ARHGAP15: variants seen among roughly 807,000 people sequenced by gnomAD.
The protein encoded by ARHGAP15 is Rho GTPase activating protein 15, also known as rho GTPase-activating protein 15.
ARHGAP15 carries 51 observed loss-of-function variants against 63.7 expected under a neutral mutation model. The observed-to-expected ratio is 0.80, with a 90% CI of 0.64 to 1.01. The LOEUF (loss-of-function observed/expected upper bound fraction) is 1.01. ARHGAP15 is among the 50% of genes least tolerant of loss of function. ARHGAP15 has a pLI of 0.00. For synonymous variants in ARHGAP15, 191 were observed against 193.8 expected, an observed-to-expected ratio of 0.99 and a Z score of 0.12; for missense variants, 560 against 564.6, an observed-to-expected ratio of 0.99 and a Z score of 0.08.
chr2:143,501,377 C>A (rs1250205433), intron 9 of ARHGAP15, among the ~76,000 whole-genome samples: 1 of 152,086 alleles, frequency 6.6e-6, no homozygotes, highest in Middle Eastern at 3.2e-3. Flanking sequence ...GCATAGGAGA[C>A]CATTTGATAT....
intron 11 of ARHGAP15, among the ~76,000 whole-genome samples, chr2:143,603,775 CCTT>C (rs1327213355): frequency 6.6e-6 from 1 of 152,132 alleles, no homozygotes; most frequent in Non-Finnish European, 1.5e-5. Context: ...TGCTGCTGCT[CCTT>C]CTAAAGATTT....
chr2:143,324,920 G>A (rs1298707549), intron 6 of ARHGAP15, among the ~76,000 whole-genome samples: 1 of 152,124 alleles, frequency 6.6e-6, no homozygotes, highest in Non-Finnish European at 1.5e-5. Context: ...ACATTAAAAT[G>A]TATTTTTTAA....
At chr2:143,695,406 T>C (rs938688820) in intron 12 of ARHGAP15, among the ~76,000 whole-genome samples, 2 of 152,144 alleles carry the variant, frequency 1.3e-5, no homozygotes, top group South Asian at 2.1e-4. Context: ...CCTGTGAAGA[T>C]TGCTGCTGGA....
intron 6 of ARHGAP15, among the ~76,000 whole-genome samples, chr2:143,415,060 A>T (rs1347452894): frequency 6.6e-6 from 1 of 152,236 alleles, no homozygotes; most frequent in African/African-American, 2.4e-5. Context: ...AGGATTTCAA[A>T]ATACAATATT....
chr2:143,605,988 A>G (rs1157379464), intron 11 of ARHGAP15, among the ~76,000 whole-genome samples: 1 of 129,344 alleles, frequency 7.7e-6, no homozygotes, highest in East Asian at 2.5e-4. Context: ...GTGAGCGGAG[A>G]TGGTGCCACT....
intron 6 of ARHGAP15, among the ~76,000 whole-genome samples, chr2:143,261,490 C>T (rs1680720252): frequency 6.7e-6 from 1 of 150,034 alleles, no homozygotes; most frequent in African/African-American, 2.5e-5. Flanking sequence ...AGGAACCCAC[C>T]ACCACACCCG....
intron 6 of ARHGAP15, among the ~76,000 whole-genome samples, chr2:143,353,437 T>A (rs971478766): frequency 5.9e-5 from 9 of 152,364 alleles, no homozygotes; most frequent in African/African-American, 2.2e-4. Flanking sequence ...TATGTCTTGC[T>A]GGTTAATATC....
At chr2:143,737,974 T>C (rs1173002312) in intron 13 of ARHGAP15, among the ~76,000 whole-genome samples, 5 of 152,074 alleles carry the variant, frequency 3.3e-5, no homozygotes, top group African/African-American at 1.2e-4. Context: ...GTCAGGTTGG[T>C]CTCAAACTCC....
At chr2:143,689,961 G>T (rs1034714212) in intron 12 of ARHGAP15, among the ~76,000 whole-genome samples, 3 of 152,168 alleles carry the variant, frequency 2.0e-5, no homozygotes, top group African/African-American at 7.2e-5. Context: ...AGAAAGGAAG[G>T]CGACTGGTGA....
intron 13 of ARHGAP15, among the ~76,000 whole-genome samples, chr2:143,745,386 T>C (rs1686125753): frequency 1.3e-5 from 2 of 152,200 alleles, no homozygotes; most frequent in African/African-American, 4.8e-5. Context: ...AGCAAATCTG[T>C]GTGCCATCCC....
chr2:143,682,367 G>A (rs768454650), intron 12 of ARHGAP15, among the ~76,000 whole-genome samples: 17 of 151,896 alleles, frequency 1.1e-4, no homozygotes, highest in Non-Finnish European at 2.2e-4. Context: ...AAACAAAAAT[G>A]TGATTCTGTG....
intron 8 of ARHGAP15, among the ~76,000 whole-genome samples, chr2:143,450,453 T>C (rs1690357187): frequency 6.6e-6 from 1 of 151,910 alleles, no homozygotes; most frequent in African/African-American, 2.4e-5. Flanking sequence ...TTGAAGAGCA[T>C]GTTGGAATAT....
intron 6 of ARHGAP15, among the ~76,000 whole-genome samples, chr2:143,332,833 A>G (rs1684606932): frequency 6.6e-6 from 1 of 152,186 alleles, no homozygotes; most frequent in African/African-American, 2.4e-5. Flanking sequence ...AATGATAAGA[A>G]TAAGTGTCAA....
intron 4 of ARHGAP15, among the ~76,000 whole-genome samples, chr2:143,219,827 T>C (rs536262175): frequency 6.6e-6 from 1 of 152,368 alleles, no homozygotes; most frequent in South Asian, 2.1e-4. Context: ...ACTTTATCTG[T>C]TTAGAGACAT....
At chr2:143,710,705 T>C (rs181878329) in intron 13 of ARHGAP15, among the ~76,000 whole-genome samples, 3 of 152,184 alleles carry the variant, frequency 2.0e-5, no homozygotes, top group African/African-American at 4.8e-5. Context: ...ATTTCCCTCA[T>C]GAGAGGTAAA....
intron 9 of ARHGAP15, among the ~76,000 whole-genome samples, chr2:143,515,883 A>G (rs1693791906): frequency 6.6e-6 from 1 of 152,206 alleles, no homozygotes; most frequent in East Asian, 1.9e-4. Flanking sequence ...ATACATCAAG[A>G]TTTCTCTAAG....
chr2:143,362,706 A>G (rs1342673543), intron 6 of ARHGAP15, among the ~76,000 whole-genome samples: 1 of 152,192 alleles, frequency 6.6e-6, no homozygotes, highest in Non-Finnish European at 1.5e-5. Context: ...ATTTCCTACC[A>G]TAATAAATGA....
At chr2:143,222,849 A>G (rs187548765) in intron 4 of ARHGAP15, among the ~76,000 whole-genome samples, 110 of 152,280 alleles carry the variant, frequency 7.2e-4, no homozygotes, top group Non-Finnish European at 1.3e-3. Flanking sequence ...AATTGCATAA[A>G]TGGTACATAA....
At chr2:143,135,668 C>T (rs546765627) in intron 1 of ARHGAP15, among the ~76,000 whole-genome samples, 32 of 152,192 alleles carry the variant, frequency 2.1e-4, no homozygotes, top group South Asian at 1.2e-3. Context: ...TTGATGCTAT[C>T]GAACCCTCCT....
Sources: allele counts gnomAD v4.1 joint callset (sites outside exome capture counted in the v4.1 genomes callset), GRCh38; gene constraint gnomAD v4.1.1; transcripts MANE v1.5; gene names NCBI Gene and HGNC (gene_info 2026-07-23, HGNC 2026-07-21).